TEAD1: variants seen among roughly 807,000 people sequenced by gnomAD.
TEAD1 encodes TEA domain transcription factor 1, also known as transcriptional enhancer factor TEF-1.
TEAD1 carries 9 observed loss-of-function variants against 54.9 expected under a neutral mutation model. That is an observed-to-expected ratio of 0.16 (90% CI 0.10 to 0.29). The LOEUF is 0.29. Among genes scored for constraint, TEAD1 ranks in the 10% least tolerant of loss-of-function variants. The pLI is 1.00. For missense variants in TEAD1, 387 were observed against 535.9 expected, an observed-to-expected ratio of 0.72 and a Z score of 2.74; for synonymous variants, 200 against 187.8, an observed-to-expected ratio of 1.07 and a Z score of -0.53.
chr11:12,810,825 C>G (rs888079135), intron 3 of TEAD1, among the ~76,000 whole-genome samples: 1 of 152,204 alleles, frequency 6.6e-6, no homozygotes, highest in East Asian at 1.9e-4. Context: ...GGGCTGCTAA[C>G]TCTCCTTCCT....
chr11:12,710,434 C>T (rs1249175934), intron 2 of TEAD1, among the ~76,000 whole-genome samples: 1 of 152,118 alleles, frequency 6.6e-6, no homozygotes, highest in Non-Finnish European at 1.5e-5. Flanking sequence ...TAAGATGTGG[C>T]TCCTGTTATT....
chr11:12,773,952 A>ATT (rs1945365646), intron 3 of TEAD1, among the ~76,000 whole-genome samples: 16 of 152,190 alleles, frequency 1.1e-4, no homozygotes, highest in Admixed American at 1.0e-3. Context: ...GATGCATATT[A>ATT]CTTGTGAGGG....
intron 9 of TEAD1, among the ~76,000 whole-genome samples, chr11:12,883,971 G>A (rs1251627931): frequency 6.7e-6 from 1 of 149,972 alleles, no homozygotes; most frequent in Non-Finnish European, 1.5e-5. Flanking sequence ...CTCCAGCCTG[G>A]CGACAGAGCG....
At chr11:12,714,388 T>G (rs1490477163) in intron 2 of TEAD1, among the ~76,000 whole-genome samples, 3 of 152,150 alleles carry the variant, frequency 2.0e-5, no homozygotes, top group East Asian at 3.9e-4. Flanking sequence ...TGCAAATGCT[T>G]CTTTTGGCTT....
chr11:12,741,881 G>T (rs1017779615), intron 2 of TEAD1, among the ~76,000 whole-genome samples: 1 of 152,208 alleles, frequency 6.6e-6, no homozygotes, highest in Non-Finnish European at 1.5e-5. Context: ...CAACAGCCTT[G>T]TTTTTCAGCT....
intron 3 of TEAD1, among the ~76,000 whole-genome samples, chr11:12,821,981 T>TG (rs1554938067): frequency 1.5e-5 from 2 of 132,024 alleles, no homozygotes; most frequent in Non-Finnish European, 3.3e-5. Flanking sequence ...TTTTTTTTTT[T>TG]GAGACAGAGT....
intron 3 of TEAD1, among the ~76,000 whole-genome samples, chr11:12,838,527 T>A (rs1946955517): frequency 6.6e-6 from 1 of 152,254 alleles, no homozygotes; most frequent in Non-Finnish European, 1.5e-5. Flanking sequence ...TTACTAAATG[T>A]TAATGATGGG....
intron 5 of TEAD1, among the ~76,000 whole-genome samples, chr11:12,867,693 A>G (rs1947648698): frequency 6.6e-6 from 1 of 152,168 alleles, no homozygotes; most frequent in African/African-American, 2.4e-5. Context: ...GGCAGGGACA[A>G]GCATCTTTAC....
chr11:12,871,420 GT>G (rs1209544291), intron 5 of TEAD1, among the ~76,000 whole-genome samples: 1 of 152,136 alleles, frequency 6.6e-6, no homozygotes, highest in Non-Finnish European at 1.5e-5. Flanking sequence ...GTCATTAACT[GT>G]TTTTTTAAGC....
chr11:12,908,382 A>G (rs1394575976), intron 10 of TEAD1, among the ~76,000 whole-genome samples: 1 of 152,234 alleles, frequency 6.6e-6, no homozygotes, highest in East Asian at 1.9e-4. Flanking sequence ...TGGAAAGCCC[A>G]GGAAAGGCTC....
intron 3 of TEAD1, among the ~76,000 whole-genome samples, chr11:12,839,720 C>T (rs10734205): frequency 0.62 from 94,449 of 151,866 alleles, 31,559 homozygotes; most frequent in East Asian, 0.77. Flanking sequence ...ACTAACTTCG[C>T]GTAATGGAAG....
At chr11:12,820,995 T>C (rs1432656872) in intron 3 of TEAD1, among the ~76,000 whole-genome samples, 1 of 152,204 alleles carries the variant, frequency 6.6e-6, no homozygotes, top group Admixed American at 6.5e-5. Flanking sequence ...TTGGGGGCTC[T>C]ATGCCTGTCT....
intron 3 of TEAD1, among the ~76,000 whole-genome samples, chr11:12,831,772 C>T (rs576815544): frequency 1.8e-4 from 26 of 143,532 alleles, no homozygotes; most frequent in Non-Finnish European, 3.4e-4. Context: ...CAGAGTGAGA[C>T]GCTGTCTCAA....
At chr11:12,793,077 A>C (rs1945838092) in intron 3 of TEAD1, among the ~76,000 whole-genome samples, 1 of 152,056 alleles carries the variant, frequency 6.6e-6, no homozygotes, top group African/African-American at 2.4e-5. Flanking sequence ...AAACAAAACA[A>C]AACAAAAAAG....
chr11:12,842,039 C>T (rs1000207506), intron 3 of TEAD1, among the ~76,000 whole-genome samples: 3 of 152,002 alleles, frequency 2.0e-5, no homozygotes, highest in African/African-American at 7.3e-5. Flanking sequence ...ACCCAAACCC[C>T]CAAATCATTT....
rs966709537 is a variant in TEAD1, at chr11:12,703,635, C to G, written c.-55+28074C>G. On this transcript the variant is annotated intron_variant, in intron 2 of 12. Transcript: ENST00000527636. ...CTTCCTCCTAAACTCTGAGCCCTTG[C>G]GGGATACAGGCTGTGACTTGCACAT... Among the ~76,000 whole-genome samples the G allele has an allele frequency of 1.3e-5, 2 of 152,162 alleles. 1 individual carries two copies. Among genetic ancestry groups the G allele is most frequent in the South Asian group, 4.1e-4 (2 of 4,826 alleles).
At chr11:12,728,042 A>G (rs891612817) in intron 2 of TEAD1, among the ~76,000 whole-genome samples, 4 of 152,218 alleles carry the variant, frequency 2.6e-5, no homozygotes, top group Admixed American at 1.3e-4. Flanking sequence ...GATGATGGGC[A>G]GGACACAGCC....
At chr11:12,686,850 G>A (rs1590051744) in intron 2 of TEAD1, among the ~76,000 whole-genome samples, 1 of 152,248 alleles carries the variant, frequency 6.6e-6, no homozygotes, top group Non-Finnish European at 1.5e-5. Context: ...TGACACCACT[G>A]TTTAGTTATT....
chr11:12,865,236 G>T, intron 5 of TEAD1: 1 of 330,814 alleles, frequency 3.0e-6, no homozygotes. Context: ...CCACCAAGCA[G>T]CCATGGGCTA....
Sources: allele counts gnomAD v4.1 joint callset (sites outside exome capture counted in the v4.1 genomes callset), GRCh38; gene constraint gnomAD v4.1.1; transcripts MANE v1.5; gene names NCBI Gene and HGNC (gene_info 2026-07-23, HGNC 2026-07-21).